Variants in CIZ1 observed in about 807,000 individuals in gnomAD.
CIZ1 encodes the protein cip1-interacting zinc finger protein.
Under a neutral mutation model 118.6 loss-of-function variants are expected in CIZ1, and 58 were observed. The observed-to-expected ratio is 0.49, with a 90% CI of 0.40 to 0.61. The LOEUF is 0.61. CIZ1 is among the 20% of genes least tolerant of loss of function. CIZ1 has a pLI of 0.00. For missense variants in CIZ1, 921 were observed against 1,115.9 expected (o/e 0.83, Z 2.49); for synonymous variants, 448 against 443.4 (o/e 1.01, Z -0.13).
chr9:128,194,085 G>C (rs900881785), upstream of CIZ1, among the ~76,000 whole-genome samples: 26 of 152,174 alleles, frequency 1.7e-4, no homozygotes, highest in African/African-American at 6.0e-4. Context: ...ATCTTGGGCC[G>C]ATGCAGTGGC....
Position 128,179,037 on chromosome 9 carries a change from C to T in CIZ1, c.1170G>A (p.Gln390=). ...GCTCTGCCTCCTGCTGCAGCTGCAC[C>T]TGCCTTGGGCCCTGTGAATGTGCCT... ...QPQAHSQGPR[Q]VQLQQEAEPL... Residue 390 remains glutamine (Q), a synonymous_variant, in exon 8 of 17, where the codon CAG becomes CAA. Coordinates refer to ENST00000372938, the MANE Select transcript of CIZ1 (RefSeq NM_001131016.2). 1 of 1,613,996 alleles carries T rather than the reference C, an allele frequency of 6.2e-7. No individual in the cohort carries two copies. Among genetic ancestry groups the T allele is most frequent in the Non-Finnish European group, 8.5e-7 (1 of 1,179,934 alleles).
intron 5 of CIZ1, among the ~76,000 whole-genome samples, chr9:128,184,280 T>C (rs920202477): frequency 2.0e-5 from 3 of 152,172 alleles, no homozygotes; most frequent in Non-Finnish European, 4.4e-5. Flanking sequence ...CACCAGATTG[T>C]GAAGATTTTG....
rs1251591209 is a variant in CIZ1 at position 128,166,293 on chromosome 9, G to C, written c.2601C>G (p.Pro867=). The change falls in exon 17 of 17, where the codon CCC becomes CCG. Residue 867 remains proline, a synonymous_variant. Coordinates refer to ENST00000372938, the MANE Select transcript of CIZ1 (RefSeq NM_001131016.2). This position sits in a 1 kb window ranked among gnomAD's most constrained non-coding sequence, Gnocchi z 4.4. ...TALFTSSGRP[P]SQPNTQDKTP... Reference sequence around the variant, plus strand: ...TTTTGTCCTGGGTGTTGGGCTGGGAGGGTGGGCGGCCGCTGGAGGTGAACA... The same window carrying C: ...TTTTGTCCTGGGTGTTGGGCTGGGACGGTGGGCGGCCGCTGGAGGTGAACA... The C allele has an allele frequency of 6.4e-7, 1 of 1,567,682 alleles. No individual in the cohort carries two copies. The highest frequency in any genetic ancestry group is 1.2e-5 in the South Asian group (1 of 85,318).
chr9:128,196,547 CAAA>C (rs961649187), upstream of CIZ1, among the ~76,000 whole-genome samples: 2 of 96,992 alleles, frequency 2.1e-5, no homozygotes. Context: ...GACCCTGTCT[CAAA>C]AAAAAAAAAA....
Position 128,178,923 on chromosome 9 carries a change from C to T in CIZ1, c.1284G>A (p.Gln428=). The T allele has an allele frequency of 1.2e-6, 2 of 1,614,244 alleles. No individual in the cohort carries two copies. Among genetic ancestry groups the T allele is most frequent in the Non-Finnish European group, 1.7e-6 (2 of 1,180,044 alleles). The change falls in exon 8 of 17, where the codon CAG becomes CAA. Residue 428 remains glutamine, a synonymous_variant. Transcript: ENST00000372938. ...QVQLQLQKQV[Q]TQTYPQVHTQ... is the part of the protein sequence containing the mutation. ...TGTGGACCTGTGGATATGTCTGTGT[C>T]TGGACCTGCTTCTGCAGCTGCAGCT...
chr9:128,191,386 A>G lies in CIZ1; in HGVS notation c.-6+46T>C. ...AGCCGCCTCCTCCGCAGACACAGCC[A>G]GCTCGCAGGCGGAGCCCCACGACCC... On this transcript the variant is annotated intron_variant, in intron 1 of 16. Coordinates refer to ENST00000372938, the MANE Select transcript of CIZ1 (RefSeq NM_001131016.2). This position sits in a 1 kb window ranked among gnomAD's most constrained non-coding sequence, Gnocchi z 5.5. The G allele has an allele frequency of 1.4e-6, 1 of 705,380 alleles. No homozygotes were observed. Among genetic ancestry groups the G allele is most frequent in the Non-Finnish European group, 1.7e-6 (1 of 572,214 alleles). The allele number at this position is 705,380 out of a possible 1,614,324, so 43.7% of individuals were successfully genotyped here.
intron 14 of CIZ1, among the ~76,000 whole-genome samples, chr9:128,168,273 T>C (rs923736714): frequency 6.6e-6 from 1 of 152,228 alleles, no homozygotes; most frequent in African/African-American, 2.4e-5. Flanking sequence ...CCCAGCACTT[T>C]GGTAGGCCGA....
chr9:128,178,605 A>C, intron 8 of CIZ1, 104 bp downstream of exon 8: 1 of 1,583,098 alleles, frequency 6.3e-7, no homozygotes, highest in South Asian at 1.1e-5. Flanking sequence ...CCTGGGTTCC[A>C]GGCCTAGCCC....
rs1833669005 is a variant in CIZ1 at position 128,203,853 on chromosome 9, G to A, written c.-6+333C>T. ...GTCTGCAAACGTCGTCAAGCCTCCGGCTACCGAATCACGCCCCCTCCTCCG... is the reference window on the plus strand; with the variant it reads ...GTCTGCAAACGTCGTCAAGCCTCCGACTACCGAATCACGCCCCCTCCTCCG... On this transcript the variant is annotated intron_variant, in intron 1 of 17. Coordinates refer to the CIZ1 transcript ENST00000372948. The surrounding 1 kb of genome is among the most constrained non-coding windows in gnomAD (Gnocchi z 5.3). Among the ~76,000 whole-genome samples, 1 of 150,764 alleles carries A rather than the reference G, an allele frequency of 6.6e-6. No individual in the cohort carries two copies.
At chr9:128,178,310 C>T in intron 9 of CIZ1, 59 bp downstream of exon 9, 2 of 1,553,024 alleles carry the variant, frequency 1.3e-6, no homozygotes, top group Non-Finnish European at 1.7e-6. Context: ...CAGAAAGAGG[C>T]CATCCCACCC....
Position 128,174,029 on chromosome 9 carries a change from A to C in CIZ1, c.1943+2322T>G, listed in dbSNP as rs1006851159. Among the ~76,000 whole-genome samples, 6 of 151,546 alleles carry C rather than the reference A, an allele frequency of 4.0e-5. 1 individual carries two copies. The highest frequency in any genetic ancestry group is 9.8e-5 in the African/African-American group (4 of 40,948). ...TCAAAAACAAAACAAAAAAACAAAA[A>C]AAAAAAACAAAGAAATAGCTAAGGT... On this transcript the variant is annotated intron_variant, in intron 11 of 16. Coordinates refer to ENST00000372938, the MANE Select transcript of CIZ1 (RefSeq NM_001131016.2).
At chr9:128,198,783 G>T (rs1206017748) in intron 1 of CIZ1, among the ~76,000 whole-genome samples, 1 of 151,764 alleles carries the variant, frequency 6.6e-6, no homozygotes, top group African/African-American at 2.4e-5. Flanking sequence ...AGTGAGCTGA[G>T]ATCGTGCCAC....
Position 128,176,336 on chromosome 9 carries a change from C to T in CIZ1, c.1943+15G>A, listed in dbSNP as rs201687662. On this transcript the variant is annotated intron_variant, in intron 11 of 16. Transcript: ENST00000372938. Reference sequence around the variant, plus strand: ...CCTACCCCCCAACACAGAGCTTCCACGATCCCCCACTCACTCATCCTCTGT... The same window carrying T: ...CCTACCCCCCAACACAGAGCTTCCATGATCCCCCACTCACTCATCCTCTGT... 55 of 1,612,392 alleles carry T rather than the reference C, an allele frequency of 3.4e-5. No individual in the cohort carries two copies. The Admixed American group carries it at 6.5e-4, about 19-fold the overall frequency.
intron 5 of CIZ1, among the ~76,000 whole-genome samples, chr9:128,181,605 G>C (rs918167008): frequency 6.6e-6 from 1 of 152,328 alleles, no homozygotes; most frequent in Non-Finnish European, 1.5e-5. Flanking sequence ...AGACAAGAGC[G>C]TGAGCCTTCT....
chr9:128,179,027 G>C lies in CIZ1; in HGVS notation c.1180C>G (p.Gln394Glu), dbSNP rs200010931. 2.5e-4 allele frequency: 405 copies of C among 1,613,000 alleles called. No homozygotes were observed. The highest frequency in any genetic ancestry group is 5.2e-4 in the Admixed American group (31 of 59,980). ...HSQGPRQVQL[Q>E]QEAEPLKQVQ... ...TGCTTCAGCGGCTCTGCCTCCTGCT[G>C]CAGCTGCACCTGCCTTGGGCCCTGT... Residue 394 changes from glutamine (Q) to glutamate (E), a missense_variant, in exon 8 of 17, where the codon CAG (glutamine) becomes GAG (glutamate). Physicochemically the swap from Gln to Glu is conservative, Grantham distance 29. Coordinates refer to ENST00000372938, the MANE Select transcript of CIZ1 (RefSeq NM_001131016.2).
chr9:128,180,342 T>C (rs927347472), intron 7 of CIZ1, 73 bp downstream of exon 7: 8 of 1,148,404 alleles, frequency 7.0e-6, no homozygotes, highest in East Asian at 4.7e-5. Flanking sequence ...CCCTCTGCCA[T>C]TGCCACCCCT....
Position 128,190,441 on chromosome 9 carries a change from C to T in CIZ1, c.174G>A (p.Gly58=). 6.2e-7 allele frequency: 1 copy of T among 1,609,902 alleles called. No homozygotes were observed. Among genetic ancestry groups the T allele is most frequent in the East Asian group, 2.2e-5 (1 of 44,786 alleles). Residue 58 remains glycine, a synonymous_variant, in exon 3 of 17, where the codon GGG becomes GGA. Coordinates refer to ENST00000372938, the MANE Select transcript of CIZ1 (RefSeq NM_001131016.2). Reference sequence around the variant, plus strand: ...GCTGCTGTGGCTGCTGCGGGGGGAGCCCCCTGTGTGTTGGGAGGGGGTGTC... The same window carrying T: ...GCTGCTGTGGCTGCTGCGGGGGGAGTCCCCTGTGTGTTGGGAGGGGGTGTC... The part of the protein sequence containing the change: ...QAPLPMAVSR[G]LPPQQPQQPL...
rs757619613 is a variant in CIZ1, at chr9:128,179,149, T to C, written c.1058A>G (p.His353Arg). 6.2e-7 allele frequency: 1 copy of C among 1,614,014 alleles called. No individual in the cohort carries two copies. Among genetic ancestry groups the C allele is most frequent in the Non-Finnish European group, 8.5e-7 (1 of 1,180,002 alleles). ...KQAQTQTSPE[H>R]LVLQQKQVQP... ...CACCTGCTTCTGTTGCAGCACTAAGTGCTCTGGAGAGGTCTGTGTTTGCGC... is the reference window on the plus strand; with the variant it reads ...CACCTGCTTCTGTTGCAGCACTAAGCGCTCTGGAGAGGTCTGTGTTTGCGC... The change falls in exon 8 of 17, where the codon CAC (histidine) becomes CGC (arginine). Residue 353 changes from histidine to arginine, a missense_variant. Coordinates refer to ENST00000372938, the MANE Select transcript of CIZ1 (RefSeq NM_001131016.2).
chr9:128,191,711 G>A, upstream of CIZ1: 1 of 1,310,890 alleles, frequency 7.6e-7, no homozygotes, highest in Non-Finnish European at 9.7e-7. This position sits in a 1 kb window ranked among gnomAD's most constrained non-coding sequence, Gnocchi z 5.5. Context: ...CAGGTGCGAG[G>A]GGGTCCTGGG....
Sources: allele counts gnomAD v4.1 joint callset (sites outside exome capture counted in the v4.1 genomes callset), GRCh38; gene constraint gnomAD v4.1.1; non-coding constraint Gnocchi (gnomAD v3.1); transcripts MANE v1.5; gene names NCBI Gene and HGNC (gene_info 2026-07-23, HGNC 2026-07-21).